ELOVL1: variants seen among roughly 807,000 people sequenced by gnomAD.
ELOVL1 encodes the protein very long chain fatty acid elongase 1.
Under a neutral mutation model 37.8 loss-of-function variants are expected in ELOVL1, and 10 were observed. The observed-to-expected ratio is 0.26, with a 90% confidence interval of 0.16 to 0.45. The LOEUF is 0.45. ELOVL1 is among the 20% of genes least tolerant of loss of function. The pLI is 1.00. For synonymous variants in ELOVL1, 133 were observed against 123.8 expected (o/e 1.07, Z -0.49); for missense variants, 256 against 352.7 (o/e 0.73, Z 2.20).
In ELOVL1 at chr1:43,364,215, C is replaced by A. The variant is rs1647194625; in HGVS notation, c.619-78G>T. ...AAGAGGGGGTAGAGAAAGAGACAAA[C>A]GTTGAGTAGGGAGAGATGGGGTCAA... On this transcript the variant is annotated intron_variant, in intron 7 of 7. Transcript: ENST00000372458. The surrounding 1 kb of genome is among the most constrained non-coding windows in gnomAD (Gnocchi z 5.2). 1.2e-6 allele frequency: 2 copies of A among 1,609,074 alleles called. No homozygotes were observed. The highest frequency in any genetic ancestry group is 1.7e-6 in the Non-Finnish European group (2 of 1,176,882).
rs993956565 is a variant in ELOVL1, at chr1:43,366,918, C to T, written c.-15+997G>A. The T allele has an allele frequency of 4.2e-4, 64 of 152,276 alleles. 1 individual carries two copies. The highest frequency in any genetic ancestry group is 1.4e-3 in the African/African-American group (58 of 41,424). The allele number at this position is 152,276 out of a possible 1,614,324, so 9.4% of individuals were successfully genotyped here. On this transcript the variant is annotated intron_variant, in intron 1 of 7. Transcript: ENST00000372458. ...CATGGTACTGACAGTCCCTGAGGGA[C>T]AAGGCATTCTTGGAACAGAGCAGGG...
At position 43,365,243 on chromosome 1, in the gene ELOVL1, G is replaced by A; in HGVS notation, c.180C>T (p.Gly60=). Reference sequence around the variant, plus strand: ...GTGAGAAGTTGTAGACAATCATGAAGCCACGGAGCTGGAAGGGCTTCCGAT... The same window carrying A: ...GTGAGAAGTTGTAGACAATCATGAAACCACGGAGCTGGAAGGGCTTCCGAT... The part of the protein sequence containing the change: ...MANRKPFQLR[G]FMIVYNFSLV... Residue 60 remains glycine, a synonymous_variant, in exon 3 of 8, where the codon GGC becomes GGT. Coordinates refer to ENST00000372458, the MANE Select transcript of ELOVL1 (RefSeq NM_022821.4). The A allele has an allele frequency of 1.2e-6, 2 of 1,614,188 alleles. No homozygotes were observed. Among genetic ancestry groups the A allele is most frequent in the Non-Finnish European group, 1.7e-6 (2 of 1,180,044 alleles).
At chr1:43,366,197 G>C (rs972679792) in intron 1 of ELOVL1, 1 of 162,264 alleles carries the variant, frequency 6.2e-6, no homozygotes, top group Non-Finnish European at 1.4e-5. Flanking sequence ...CCTTATCCTC[G>C]GATTCCTCCT....
At position 43,365,637 on chromosome 1, in the gene ELOVL1, G is replaced by A; in HGVS notation, c.-14-14C>T. 6.2e-7 allele frequency: 1 copy of A among 1,614,042 alleles called. No individual in the cohort carries two copies. The highest frequency in any genetic ancestry group is 2.2e-5 in the East Asian group (1 of 44,878). The stretch of plus-strand genomic sequence containing the variant: ...TGGCTAAGGACTCTGGGGAGGTACA[G>A]AGGGCGGATGTCAGACAGATCCCAC... On this transcript the variant is annotated splice_polypyrimidine_tract_variant and intron_variant, in intron 1 of 7. Coordinates refer to ENST00000372458, the MANE Select transcript of ELOVL1 (RefSeq NM_022821.4).
intron 1 of ELOVL1, chr1:43,367,331 C>T (rs1647268748): frequency 6.5e-6 from 1 of 152,692 alleles, no homozygotes; most frequent in East Asian, 1.9e-4. Flanking sequence ...CGGATCCCCT[C>T]CTTACTTGCT....
In ELOVL1 at chr1:43,363,861, G is replaced by A; in HGVS notation, c.*55C>T. The A allele has an allele frequency of 2.0e-6, 3 of 1,520,320 alleles. No homozygotes were observed. Among genetic ancestry groups the A allele is most frequent in the Non-Finnish European group, 2.7e-6 (3 of 1,098,110 alleles). The allele number at this position is 1,520,320 out of a possible 1,614,324, so 94.2% of individuals were successfully genotyped here. A position where few individuals can be genotyped will look rare whatever the true frequency, so the allele number is the denominator to read the frequency against. The stretch of plus-strand genomic sequence containing the variant: ...GGTGGAGAGGGCACTGACGGACACT[G>A]CCCTAAGGTGCAGTCCTGAGGCACT... On this transcript the variant is annotated 3_prime_UTR_variant, in exon 8 of 8. Transcript: ENST00000372458.
intron 2 of ELOVL1, 72 bp from the exon 3 acceptor site, chr1:43,365,448 A>G (rs998233939): frequency 5.6e-6 from 9 of 1,609,890 alleles, no homozygotes; most frequent in Non-Finnish European, 7.6e-6. Context: ...GGGTCTACAG[A>G]CATGAGGTCA....
At position 43,363,774 on chromosome 1, in the gene ELOVL1, TGG is replaced by T; in HGVS notation, c.*140_*141del. Reference sequence around the variant, plus strand: ...AGCCGTGGTCCCTGTAGAGCAGCTGTGGGGAGGGGAGGGCCAGTCCCCTGCTC... The same window carrying T: ...AGCCGTGGTCCCTGTAGAGCAGCTGTGGAGGGGAGGGCCAGTCCCCTGCTC... On this transcript the variant is annotated 3_prime_UTR_variant, in exon 8 of 8. Coordinates refer to ENST00000372458, the MANE Select transcript of ELOVL1 (RefSeq NM_022821.4). 1.4e-6 allele frequency: 1 copy of T among 725,950 alleles called. No homozygotes were observed. Among genetic ancestry groups the T allele is most frequent in the Non-Finnish European group, 2.3e-6 (1 of 435,492 alleles). The allele number at this position is 725,950 out of a possible 1,614,324, so 45.0% of individuals were successfully genotyped here.
At chr1:43,367,097 G>A (rs1647261294) in intron 1 of ELOVL1, 1 of 152,532 alleles carries the variant, frequency 6.6e-6, no homozygotes, top group East Asian at 1.9e-4. Flanking sequence ...CAGGCCCCAA[G>A]CCTGCGGTCC....
In ELOVL1 at chr1:43,364,044, T is replaced by G. The variant is rs1647192272; in HGVS notation, c.712A>C (p.Met238Leu). The G allele has an allele frequency of 1.9e-6, 3 of 1,614,136 alleles. No homozygotes were observed. The highest frequency in any genetic ancestry group is 2.7e-5 in the African/African-American group (2 of 75,000). ...AGCATGAAGAAGATGGTGCCATACATCCAGATGAGGTGAATAATGACTGGG... is the reference window on the plus strand; with the variant it reads ...AGCATGAAGAAGATGGTGCCATACAGCCAGATGAGGTGAATAATGACTGGG... ...QYPVIIHLIW[M>L]YGTIFFMLFS... Residue 238 changes from methionine to leucine, a missense_variant, in exon 8 of 8, where the codon ATG becomes CTG. By Grantham distance (15) the Met-to-Leu change is conservative. Transcript: ENST00000372458. This position sits in a 1 kb window ranked among gnomAD's most constrained non-coding sequence, Gnocchi z 5.2.
Position 43,364,205 on chromosome 1 carries a change from AAG to A in ELOVL1, c.619-70_619-69del. ...ACTAGAGGGGAAGAGGGGGTAGAGA[AAG>A]AGACAAACGTTGAGTAGGGAGAGAT... On this transcript the variant is annotated intron_variant, in intron 7 of 7. Transcript: ENST00000372458. This position sits in a 1 kb window ranked among gnomAD's most constrained non-coding sequence, Gnocchi z 5.2. 2 of 1,610,172 alleles carry A rather than the reference AAG, an allele frequency of 1.2e-6. No homozygotes were observed. The highest frequency in any genetic ancestry group is 1.1e-5 in the South Asian group (1 of 90,810).
Position 43,364,778 on chromosome 1 carries a change from C to A in ELOVL1, c.335G>T (p.Trp112Leu). 6.2e-7 allele frequency: 1 copy of A among 1,614,178 alleles called. No individual in the cohort carries two copies. The highest frequency in any genetic ancestry group is 8.5e-7 in the Non-Finnish European group (1 of 1,180,032). Residue 112 changes from tryptophan to leucine, a missense_variant, in exon 5 of 8, where the codon TGG becomes TTG. Coordinates refer to ENST00000372458, the MANE Select transcript of ELOVL1 (RefSeq NM_022821.4). This position sits in a 1 kb window ranked among gnomAD's most constrained non-coding sequence, Gnocchi z 5.2. Reference protein sequence around the residue: ...PEALRMVRVAWLFLFSKFIEL... With the variant: ...PEALRMVRVALLFLFSKFIEL... ...AATGAACTTGGAGAAGAGGAAGAGC[C>A]AGGCCACCCGAACCATCTGCAAGAA...
chr1:43,365,619 G>C lies in ELOVL1; in HGVS notation c.-10C>G. The C allele has an allele frequency of 6.2e-7, 1 of 1,614,064 alleles. No individual in the cohort carries two copies. Among genetic ancestry groups the C allele is most frequent in the Non-Finnish European group, 8.5e-7 (1 of 1,179,986 alleles). ...TCACAACAGCCTCCATCCTGGCTAA[G>C]GACTCTGGGGAGGTACAGAGGGCGG... On this transcript the variant is annotated 5_prime_UTR_variant, in exon 2 of 8. Transcript: ENST00000372458.
chr1:43,364,546 G>T lies in ELOVL1; in HGVS notation c.477C>A (p.Ala159=), dbSNP rs1199352566. The part of the protein sequence containing the change: ...PWSWWWGVKI[A]PGGMGSFHAM... ...ATAGTGGCCTTCACCACTCACCCGG[G>T]GCAATCTTTACCCCCCACCACCAGC... Residue 159 remains alanine (A), a synonymous_variant, in exon 6 of 8, where the codon GCC becomes GCA. Coordinates refer to ENST00000372458, the MANE Select transcript of ELOVL1 (RefSeq NM_022821.4). The surrounding 1 kb of genome is among the most constrained non-coding windows in gnomAD (Gnocchi z 5.2). The T allele has an allele frequency of 6.2e-7, 1 of 1,614,106 alleles. No homozygotes were observed. Among genetic ancestry groups the T allele is most frequent in the Non-Finnish European group, 8.5e-7 (1 of 1,180,018 alleles).
Position 43,365,186 on chromosome 1 carries a change from C to T in ELOVL1, c.237G>A (p.Glu79=). The change falls in exon 3 of 8, where the codon GAG becomes GAA. Residue 79 remains glutamate, a splice_region_variant and synonymous_variant. Coordinates refer to ENST00000372458, the MANE Select transcript of ELOVL1 (RefSeq NM_022821.4). The part of the protein sequence containing the change: ...LVALSLYIVY[E]FLMSGWLSTY... ...AAAGCCCGGCATCCCAGGGGCCCAC[C>T]TCATAGACAATGTAGAGGGAGAGTG... 1 of 1,613,932 alleles carries T rather than the reference C, an allele frequency of 6.2e-7. No individual in the cohort carries two copies. The highest frequency in any genetic ancestry group is 8.5e-7 in the Non-Finnish European group (1 of 1,179,892).
chr1:43,365,664 G>T (rs1647221079), intron 1 of ELOVL1, 41 bp from the exon 2 acceptor site: 2 of 1,587,058 alleles, frequency 1.3e-6, no homozygotes, highest in Non-Finnish European at 1.7e-6. Flanking sequence ...AGATCCCACT[G>T]CACACCCCCA....
At chr1:43,366,104 C>A (rs959126294) in intron 1 of ELOVL1, among the ~76,000 whole-genome samples, 1 of 152,068 alleles carries the variant, frequency 6.6e-6, no homozygotes, top group East Asian at 1.9e-4. Flanking sequence ...CCCTCTGGAC[C>A]CTTCCTGAAC....
At chr1:43,367,347 A>G (rs1044427741) in intron 1 of ELOVL1, 2 of 151,836 alleles carry the variant, frequency 1.3e-5, no homozygotes, top group Non-Finnish European at 2.9e-5. Flanking sequence ...TTGCTCCCCC[A>G]CCATCGGGCT....
rs931353362 is a variant in ELOVL1 at position 43,363,737 on chromosome 1, G to C, written c.*179C>G. On this transcript the variant is annotated 3_prime_UTR_variant, in exon 8 of 8. Transcript: ENST00000372458. ...CCCTGGAGCTGCCCGGGGGAAGTGG[G>C]TGAGGAACCAAAGCCGTGGTCCCTG... 1.5e-5 allele frequency: 9 copies of C among 617,720 alleles called. No individual in the cohort carries two copies. The African/African-American group carries it at 1.7e-4, about 11-fold the overall frequency. 38.3% of individuals were successfully genotyped at this position (617,720 alleles called of 1,614,324 possible).
Sources: gnomAD v4.1 joint callset for allele counts (sites outside exome capture counted in the v4.1 genomes callset) on GRCh38, gnomAD v4.1.1 for gene constraint, Gnocchi (gnomAD v3.1) non-coding constraint, MANE v1.5 for transcripts, NCBI Gene and HGNC (gene_info 2026-07-23, HGNC 2026-07-21) for gene names.